Variants in ZNF750 observed in about 807,000 individuals in gnomAD.
ZNF750 encodes zinc finger protein 750.
In ZNF750, 10 loss-of-function variants were observed where a neutral mutation model predicts 31.6. That is an observed-to-expected ratio of 0.32 (90% CI 0.19 to 0.54). ZNF750 has a LOEUF of 0.54. Ranked by LOEUF, ZNF750 falls within the 20% of genes least tolerant of loss-of-function variation. ZNF750 has a pLI of 0.95. For missense variants in ZNF750, 914 were observed against 934.9 expected (o/e 0.98, Z 0.29); for synonymous variants, 400 against 404.9 (o/e 0.99, Z 0.15).
intron 1 of ZNF750, among the ~76,000 whole-genome samples, chr17:82,834,227 C>T (rs545189686): frequency 5.3e-5 from 8 of 152,242 alleles, no homozygotes; most frequent in East Asian, 3.9e-4. Flanking sequence ...GGATTAGAGG[C>T]GTGAGCCACC....
At chr17:82,838,848 C>T in intron 1 of ZNF750, 1 of 985,450 alleles carries the variant, frequency 1.0e-6, no homozygotes, top group African/African-American at 1.7e-5. Context: ...TAAACAAACG[C>T]TCACCACTTT....
At chr17:82,834,148 A>G (rs535054205) in intron 1 of ZNF750, among the ~76,000 whole-genome samples, 1 of 152,216 alleles carries the variant, frequency 6.6e-6, no homozygotes, top group East Asian at 1.9e-4. Flanking sequence ...GGGTTTTGCC[A>G]TGTGGGCCAG....
rs1393535548 is a variant in ZNF750 at position 82,839,006 on chromosome 17, T to A, written c.-183+921A>T. On this transcript the variant is annotated intron_variant, in intron 1 of 2. Transcript: ENST00000269394. ...AATCAAGTTTATGAGAAATTTCATATAAGGAAAAAAACCCTTTTGTATCTG... is the reference window on the plus strand; with the variant it reads ...AATCAAGTTTATGAGAAATTTCATAAAAGGAAAAAAACCCTTTTGTATCTG... 6.1e-6 allele frequency: 6 copies of A among 982,026 alleles called. No homozygotes were observed. In the East Asian group the frequency reaches 6.8e-4, roughly 112 times the overall value. 60.8% of individuals were successfully genotyped at this position (982,026 alleles called of 1,614,324 possible).
In ZNF750 at chr17:82,831,760, G is replaced by A. The variant is rs756165542; in HGVS notation, c.695C>T (p.Ser232Phe). ...TGGGATTGTGGGGTGCATGTAAGGG[G>A]AAATGGCCCCAAGCCCCTTTGTAGA... ...ISSTKGLGAISPYMHPTIPEY... is the reference protein window; with the variant it reads ...ISSTKGLGAIFPYMHPTIPEY... Residue 232 changes from serine (S) to phenylalanine (F), a missense_variant, in exon 2 of 3, where the codon TCC becomes TTC. Physicochemically the swap from Ser to Phe is radical, Grantham distance 155. Coordinates refer to ENST00000269394, the MANE Select transcript of ZNF750 (RefSeq NM_024702.3). The surrounding 1 kb of genome is among the most constrained non-coding windows in gnomAD (Gnocchi z 4.6). The A allele has an allele frequency of 6.2e-7, 1 of 1,614,184 alleles. No homozygotes were observed. The highest frequency in any genetic ancestry group is 8.5e-7 in the Non-Finnish European group (1 of 1,180,038).
At position 82,833,353 on chromosome 17, in the gene ZNF750, C is replaced by T. The variant is rs997786586; in HGVS notation, c.-182-717G>A. ...CTAAGCACTCGTGGCAGTTTCTGCC[C>T]ACTTTAGCCACGTCGTTGGTGTATT... On this transcript the variant is annotated intron_variant, in intron 1 of 2. Transcript: ENST00000269394. The surrounding 1 kb of genome is among the most constrained non-coding windows in gnomAD (Gnocchi z 4.7). 3.3e-5 allele frequency among the ~76,000 whole-genome samples: 5 copies of T among 152,144 alleles called. No individual in the cohort carries two copies. Among genetic ancestry groups the T allele is most frequent in the African/African-American group, 1.2e-4 (5 of 41,438 alleles).
chr17:82,830,951 A>G, intron 2 of ZNF750, 68 bp downstream of exon 2: 5 of 1,613,222 alleles, frequency 3.1e-6, no homozygotes, highest in Non-Finnish European at 3.4e-6. Context: ...GTGAGCAAGT[A>G]TAAGCCTGGC....
rs549368279 is a variant in ZNF750 at position 82,839,126 on chromosome 17, C to A, written c.-183+801G>T. On this transcript the variant is annotated intron_variant, in intron 1 of 2. Coordinates refer to ENST00000269394, the MANE Select transcript of ZNF750 (RefSeq NM_024702.3). ...AAAGCTTATGCCCAATTTTAAACTT[C>A]ATGTAAGCTTATGTACTTATTTTAA... Among the ~76,000 whole-genome samples the A allele has an allele frequency of 1.9e-4, 29 of 152,334 alleles. No individual in the cohort carries two copies. The South Asian group carries it at 6.0e-3, about 32-fold the overall frequency.
chr17:82,829,995 TTTTGTTTG>T lies in ZNF750; in HGVS notation c.*139_*146del, dbSNP rs142352768. On this transcript the variant is annotated 3_prime_UTR_variant, in exon 3 of 3. Coordinates refer to ENST00000269394, the MANE Select transcript of ZNF750 (RefSeq NM_024702.3). ...TTTATAAAAACTGAATTGGAGGGTT[TTTTGTTTG>T]TTTGTTTGTTTGTTTTTTTGAGAAG... The T allele has an allele frequency of 3.9e-3, 4,850 of 1,237,410 alleles. 63 individuals carry two copies. Among genetic ancestry groups the T allele is most frequent in the East Asian group, 0.025 (1,003 of 40,590 alleles). 76.7% of individuals were successfully genotyped at this position (1,237,410 alleles called of 1,614,324 possible).
At chr17:82,838,845 A>T in intron 1 of ZNF750, 2 of 985,408 alleles carry the variant, frequency 2.0e-6, no homozygotes, top group Non-Finnish European at 2.4e-6. Context: ...TCGTAAACAA[A>T]CGCTCACCAC....
chr17:82,830,020 TTTG>T lies in ZNF750; in HGVS notation c.*119_*121del. 1 of 1,474,762 alleles carries T rather than the reference TTTG, an allele frequency of 6.8e-7. No homozygotes were observed. Among genetic ancestry groups the T allele is most frequent in the South Asian group, 1.2e-5 (1 of 82,690 alleles). 91.4% of individuals were successfully genotyped at this position (1,474,762 alleles called of 1,614,324 possible). ...TTTTGTTTGTTTGTTTGTTTGTTTT[TTTG>T]AGAAGCAGCAGCTGCATTTGTAAAA... On this transcript the variant is annotated 3_prime_UTR_variant, in exon 3 of 3. Transcript: ENST00000269394.
Position 82,830,833 on chromosome 17 carries a change from G to C in ZNF750, c.1481C>G (p.Ala494Gly). ...AGGCGCGGCCTCCGAGACGAGAGAG[G>C]CGCTTCCGGTCGGAGCAGGAGGGTC... is the stretch of plus-strand genomic sequence containing the variant. ...NGDPPAPTGS[A>G]SLVSEAAPSS... The change falls in exon 3 of 3, where the codon GCC (alanine) becomes GGC (glycine). Residue 494 changes from alanine to glycine, a missense_variant. This residue lies in a region of ZNF750 where 880 missense variants were observed against 868.9 expected (regional missense o/e 1.01). Coordinates refer to ENST00000269394, the MANE Select transcript of ZNF750 (RefSeq NM_024702.3). 1.2e-6 allele frequency: 2 copies of C among 1,613,290 alleles called. No homozygotes were observed. Among genetic ancestry groups the C allele is most frequent in the South Asian group, 2.2e-5 (2 of 91,074 alleles).
chr17:82,830,496 A>G lies in ZNF750; in HGVS notation c.1818T>C (p.Gly606=). 6.2e-7 allele frequency: 1 copy of G among 1,613,286 alleles called. No individual in the cohort carries two copies. Among genetic ancestry groups the G allele is most frequent in the East Asian group, 2.2e-5 (1 of 44,880 alleles). Residue 606 remains glycine, a synonymous_variant, in exon 3 of 3, where the codon GGT becomes GGC. Transcript: ENST00000269394. ...CGGGGCCTGTGGGTGGGGCCCCGTC[A>G]CCGTCGAGGCTGCCTGGCTTGGTCT... The part of the protein sequence containing the change: ...HPETKPGSLD[G]DGAPPTGPGE...
At position 82,831,769 on chromosome 17, in the gene ZNF750, C is replaced by G. The variant is rs148428063; in HGVS notation, c.686G>C (p.Gly229Ala). ...PHKISSTKGL[G>A]AISPYMHPTI... ...GGGGTGCATGTAAGGGGAAATGGCCCCAAGCCCCTTTGTAGATGAGATTTT... is the reference window on the plus strand; with the variant it reads ...GGGGTGCATGTAAGGGGAAATGGCCGCAAGCCCCTTTGTAGATGAGATTTT... The change falls in exon 2 of 3, where the codon GGG (glycine) becomes GCG (alanine). Residue 229 changes from glycine (G) to alanine (A), a missense_variant. By Grantham distance (60) the Gly-to-Ala change is moderately conservative. This residue lies in a region of ZNF750 where 880 missense variants were observed against 868.9 expected (regional missense o/e 1.01). Transcript: ENST00000269394. The surrounding 1 kb of genome is among the most constrained non-coding windows in gnomAD (Gnocchi z 4.6). 6.2e-7 allele frequency: 1 copy of G among 1,614,110 alleles called. No individual in the cohort carries two copies. The highest frequency in any genetic ancestry group is 1.7e-5 in the Admixed American group (1 of 60,014).
At position 82,831,306 on chromosome 17, in the gene ZNF750, C is replaced by G; in HGVS notation, c.1149G>C (p.Glu383Asp). 6.2e-7 allele frequency: 1 copy of G among 1,613,984 alleles called. No homozygotes were observed. Among genetic ancestry groups the G allele is most frequent in the Non-Finnish European group, 8.5e-7 (1 of 1,180,026 alleles). Residue 383 changes from glutamate (E) to aspartate (D), a missense_variant, in exon 2 of 3, where the codon GAG (glutamate) becomes GAC (aspartate). Coordinates refer to ENST00000269394, the MANE Select transcript of ZNF750 (RefSeq NM_024702.3). This position sits in a 1 kb window ranked among gnomAD's most constrained non-coding sequence, Gnocchi z 4.6. ...KHVEFESPIP[E>D]AKDSSKAGQR... ...GCCCAGCCTTGGAGGAGTCTTTAGCCTCAGGAATTGGACTTTCGAACTCGA... is the reference window on the plus strand; with the variant it reads ...GCCCAGCCTTGGAGGAGTCTTTAGCGTCAGGAATTGGACTTTCGAACTCGA...
chr17:82,834,286 G>A (rs948304163), intron 1 of ZNF750, among the ~76,000 whole-genome samples: 1 of 152,194 alleles, frequency 6.6e-6, no homozygotes, highest in Non-Finnish European at 1.5e-5. Context: ...TGTCCACCTG[G>A]CAGCTGGGCC....
At chr17:82,839,558 C>CCA (rs748239550) in intron 1 of ZNF750, among the ~76,000 whole-genome samples, 2 of 152,150 alleles carry the variant, frequency 1.3e-5, no homozygotes, top group African/African-American at 2.4e-5. Context: ...TGTACATACA[C>CCA]CACACATATA....
At position 82,830,581 on chromosome 17, in the gene ZNF750, G is replaced by C. The variant is rs780942296; in HGVS notation, c.1733C>G (p.Ala578Gly). ...CCCAGTCTTCTGTGGAACAGCAGCA[G>C]CAGGTTCTGCAGCTCGTGGTCGACC... The part of the protein sequence containing the change: ...FPGRPRAAEP[A>G]AAVPQKTGTE... The change falls in exon 3 of 3, where the codon GCT (alanine) becomes GGT (glycine). Residue 578 changes from alanine (A) to glycine (G), a missense_variant. Ala to Gly is a moderately conservative substitution (Grantham distance 60). Coordinates refer to ENST00000269394, the MANE Select transcript of ZNF750 (RefSeq NM_024702.3). The C allele has an allele frequency of 3.0e-5, 48 of 1,614,094 alleles. No homozygotes were observed. The highest frequency in any genetic ancestry group is 3.7e-5 in the Non-Finnish European group (44 of 1,179,996).
Position 82,830,987 on chromosome 17 carries a change from C to T in ZNF750, c.1436+32G>A, listed in dbSNP as rs769450098. The T allele has an allele frequency of 3.1e-6, 5 of 1,613,720 alleles. No individual in the cohort carries two copies. The South Asian group carries it at 4.4e-5, about 14-fold the overall frequency. ...TCATGGAACCCAACCAGAAACATTCCCTTGGAGGTTTTGAAAATGACATTT... is the reference window on the plus strand; with the variant it reads ...TCATGGAACCCAACCAGAAACATTCTCTTGGAGGTTTTGAAAATGACATTT... On this transcript the variant is annotated intron_variant, in intron 2 of 2. Coordinates refer to ENST00000269394, the MANE Select transcript of ZNF750 (RefSeq NM_024702.3).
Position 82,830,031 on chromosome 17 carries a change from G to T in ZNF750, c.*111C>A. The T allele has an allele frequency of 1.3e-6, 2 of 1,519,334 alleles. No homozygotes were observed. Among genetic ancestry groups the T allele is most frequent in the Non-Finnish European group, 9.0e-7 (1 of 1,114,754 alleles). 94.1% of individuals were successfully genotyped at this position (1,519,334 alleles called of 1,614,324 possible). ...TGTTTGTTTGTTTTTTTGAGAAGCA[G>T]CAGCTGCATTTGTAAAAATGTGAAA... On this transcript the variant is annotated 3_prime_UTR_variant, in exon 3 of 3. Transcript: ENST00000269394.
Sources: allele counts gnomAD v4.1 joint callset (sites outside exome capture counted in the v4.1 genomes callset), GRCh38; gene constraint gnomAD v4.1.1; regional missense constraint gnomAD v4.1.1; non-coding constraint Gnocchi (gnomAD v3.1); transcripts MANE v1.5; gene names NCBI Gene and HGNC (gene_info 2026-07-23, HGNC 2026-07-21).